Variants in KCNMA1 observed in about 807,000 individuals in gnomAD.
KCNMA1 encodes potassium calcium-activated channel subfamily M alpha 1, also known as Calcium-activated potassium channel subunit alpha-1.
KCNMA1 carries 29 observed loss-of-function variants against 140.0 expected under a neutral mutation model. The observed-to-expected ratio is 0.21, with a 90% CI of 0.15 to 0.28. KCNMA1 has a LOEUF of 0.28. Among genes scored for constraint, KCNMA1 ranks in the 10% least tolerant of loss-of-function variants. The probability of loss-of-function intolerance (pLI) is 1.00; values close to 1 mark genes in which losing one functional copy is unlikely to be tolerated. For missense variants in KCNMA1, 880 were observed against 1,602.2 expected (o/e 0.55, Z 7.70); for synonymous variants, 612 against 611.9 (o/e 1.00, Z 0.00).
chr10:77,371,618 A>T (rs905464338), intron 2 of KCNMA1, among the ~76,000 whole-genome samples: 2 of 151,820 alleles, frequency 1.3e-5, no homozygotes, highest in African/African-American at 4.8e-5. Context: ...ATCTGGAAAG[A>T]CTCTTGCTCC....
intron 19 of KCNMA1, among the ~76,000 whole-genome samples, chr10:76,984,389 C>T (rs1055723493): frequency 3.9e-5 from 6 of 151,930 alleles, no homozygotes; most frequent in Admixed American, 1.3e-4. Context: ...GGGGTTTCAC[C>T]GTGTTGGCCA....
intron 15 of KCNMA1, among the ~76,000 whole-genome samples, chr10:77,028,179 T>A (rs897143120): frequency 7.2e-5 from 11 of 152,198 alleles, no homozygotes; most frequent in African/African-American, 2.7e-4. Flanking sequence ...GGGGATTTAC[T>A]CTGGGCCAGA....
At chr10:77,576,252 C>G (rs556413117) in intron 1 of KCNMA1, among the ~76,000 whole-genome samples, 1 of 152,310 alleles carries the variant, frequency 6.6e-6, no homozygotes, top group South Asian at 2.1e-4. Flanking sequence ...AGGCAACTCG[C>G]CCTTCCCTAA....
intron 1 of KCNMA1, among the ~76,000 whole-genome samples, chr10:77,533,847 T>G (rs376414724): frequency 4.6e-5 from 7 of 152,352 alleles, no homozygotes; most frequent in South Asian, 4.1e-4. Context: ...TACCACCTCA[T>G]GGCCACCTGT....
At chr10:77,558,806 G>A (rs2065394919) in intron 1 of KCNMA1, among the ~76,000 whole-genome samples, 1 of 152,224 alleles carries the variant, frequency 6.6e-6, no homozygotes, top group Non-Finnish European at 1.5e-5. Flanking sequence ...AACAGACAAT[G>A]GGAAGTAAGC....
At chr10:77,261,355 G>T (rs571438862) in intron 2 of KCNMA1, among the ~76,000 whole-genome samples, 1 of 152,228 alleles carries the variant, frequency 6.6e-6, no homozygotes, top group South Asian at 2.1e-4. Flanking sequence ...CCCCAAAGAA[G>T]AATCTGGGAC....
intron 1 of KCNMA1, among the ~76,000 whole-genome samples, chr10:77,546,706 T>TC (rs1730224860): frequency 1.3e-5 from 2 of 152,230 alleles, no homozygotes; most frequent in Admixed American, 1.3e-4. Flanking sequence ...TGGTAGCATG[T>TC]CCCCTTCAGG....
intron 3 of KCNMA1, among the ~76,000 whole-genome samples, chr10:77,233,879 T>G (rs1394694596): frequency 6.6e-6 from 1 of 152,148 alleles, no homozygotes; most frequent in African/African-American, 2.4e-5. Context: ...TAGCCCCACT[T>G]TGTTCAGTCC....
At chr10:77,135,122 T>TATATAGAG (rs1297787746) in intron 5 of KCNMA1, among the ~76,000 whole-genome samples, 9 of 144,436 alleles carry the variant, frequency 6.2e-5, no homozygotes, top group Admixed American at 2.1e-4. Context: ...ATATTCAAAA[T>TATATAGAG]ATATAGAGAA....
rs1339177708 is a variant in KCNMA1, at chr10:77,554,617, AAG to A, written c.378+82646_378+82647del. On this transcript the variant is annotated intron_variant, in intron 1 of 27. Transcript: ENST00000286628. ...CATCTCAAAAAAAAAAAAAAAAAAA[AAG>A]AAAGAAAGAAAAGAAAAGAAAGAAA... Among the ~76,000 whole-genome samples, 468 of 142,146 alleles carry A rather than the reference AAG, an allele frequency of 3.3e-3. 4 individuals carry two copies. Among genetic ancestry groups the A allele is most frequent in the African/African-American group, 0.012 (447 of 35,860 alleles). 93.3% of individuals were successfully genotyped at this position (142,146 alleles called of 152,430 possible).
At chr10:76,942,490 C>G (rs561280630) in intron 23 of KCNMA1, among the ~76,000 whole-genome samples, 2 of 152,216 alleles carry the variant, frequency 1.3e-5, no homozygotes, top group East Asian at 1.9e-4. Context: ...AAAATAAGCT[C>G]CCTTTCTCTT....
At chr10:77,205,953 A>C (rs1490578976) in intron 3 of KCNMA1, among the ~76,000 whole-genome samples, 3 of 152,202 alleles carry the variant, frequency 2.0e-5, no homozygotes, top group Non-Finnish European at 4.4e-5. Context: ...GTGATGTAAA[A>C]CTGTATTATT....
chr10:77,214,395 C>G lies in KCNMA1; in HGVS notation c.603-29479G>C, dbSNP rs1272022506. Among the ~76,000 whole-genome samples the G allele has an allele frequency of 2.0e-5, 3 of 152,150 alleles. No individual in the cohort carries two copies. In the East Asian group the frequency reaches 5.8e-4, roughly 29 times the overall value. ...TCCTACCAGCAGCTCTCCAACACTG[C>G]ACTTACAGGCGCCCAGCACATCCTC... On this transcript the variant is annotated intron_variant, in intron 3 of 27. Transcript: ENST00000286628.
intron 1 of KCNMA1, among the ~76,000 whole-genome samples, chr10:77,463,576 C>G (rs974786334): frequency 1.1e-4 from 16 of 152,176 alleles, no homozygotes; most frequent in African/African-American, 3.4e-4. Flanking sequence ...AAAATACAAA[C>G]TAGGTTAGCA....
chr10:77,340,544 G>A (rs1443890411), intron 2 of KCNMA1, among the ~76,000 whole-genome samples: 1 of 152,094 alleles, frequency 6.6e-6, no homozygotes, highest in Non-Finnish European at 1.5e-5. Flanking sequence ...AAAAAAGGAT[G>A]AGTTCATGTC....
intron 1 of KCNMA1, among the ~76,000 whole-genome samples, chr10:77,511,398 A>G (rs1286939006): frequency 6.6e-5 from 10 of 152,254 alleles, no homozygotes; most frequent in Admixed American, 6.5e-4. Context: ...CTCTTCTGGG[A>G]CAAGTTCTTA....
At position 77,504,517 on chromosome 10, in the gene KCNMA1, C is replaced by A. The variant is rs565753687; in HGVS notation, c.379-100494G>T. ...ACTTTTACCTCCTACCTCAGGGAGT[C>A]TGGATTAGAATTTGAAGCAAGCCTT... On this transcript the variant is annotated intron_variant, in intron 1 of 27. Transcript: ENST00000286628. 4.2e-4 allele frequency among the ~76,000 whole-genome samples: 64 copies of A among 152,234 alleles called. 2 individuals are homozygous for A. In the South Asian group the frequency reaches 0.013, roughly 31 times the overall value.
At chr10:77,468,908 C>T (rs74641530) in intron 1 of KCNMA1, among the ~76,000 whole-genome samples, 2,852 of 152,258 alleles carry the variant, frequency 0.019, 81 homozygotes, top group African/African-American at 0.065. Flanking sequence ...CTTAACCCAA[C>T]CTGGTCTCTG....
chr10:77,380,676 C>A (rs1283104261), intron 2 of KCNMA1, among the ~76,000 whole-genome samples: 1 of 152,166 alleles, frequency 6.6e-6, no homozygotes, highest in African/African-American at 2.4e-5. Context: ...TGGTTCTGAG[C>A]CCAGCACATA....
Sources: gnomAD v4.1 joint callset for allele counts (sites outside exome capture counted in the v4.1 genomes callset) on GRCh38, gnomAD v4.1.1 for gene constraint, MANE v1.5 for transcripts, NCBI Gene and HGNC (gene_info 2026-07-23, HGNC 2026-07-21) for gene names.